Variants in ESR1 observed in about 807,000 individuals in gnomAD.
ESR1 encodes the protein estrogen receptor 1, also known as estrogen receptor.
Under a neutral mutation model 52.7 loss-of-function variants are expected in ESR1, and 12 were observed. The ratio of observed to expected loss-of-function variants is 0.23; its 90% CI spans 0.15 to 0.37. ESR1 has a LOEUF of 0.37. Among genes scored for constraint, ESR1 ranks in the 10% least tolerant of loss-of-function variants. The pLI, the probability that ESR1 is intolerant of heterozygous loss-of-function variation, is 1.00. For missense variants in ESR1, 584 were observed against 779.7 expected (o/e 0.75, Z 2.99); for synonymous variants, 305 against 316.8 (o/e 0.96, Z 0.39).
intron 4 of ESR1, among the ~76,000 whole-genome samples, chr6:151,978,050 A>T (rs1043076730): frequency 1.3e-5 from 2 of 151,760 alleles, no homozygotes; most frequent in East Asian, 1.9e-4. Context: ...AATGAATCAG[A>T]CTCAGAGGCT....
intron 2 of ESR1, among the ~76,000 whole-genome samples, chr6:151,781,948 A>G: frequency 6.6e-6 from 1 of 152,236 alleles, no homozygotes; most frequent in Non-Finnish European, 1.5e-5. Context: ...AGCAGAGGTA[A>G]GTAGTACTGA....
chr6:152,070,133 A>G (rs2048256342), intron 6 of ESR1, among the ~76,000 whole-genome samples: 3 of 137,098 alleles, frequency 2.2e-5, no homozygotes, highest in Admixed American at 1.4e-4. Flanking sequence ...TGTGATGTAT[A>G]AGATAGTGCA....
chr6:152,082,312 G>A (rs138700782), intron 6 of ESR1, among the ~76,000 whole-genome samples: 116 of 152,170 alleles, frequency 7.6e-4, no homozygotes, highest in Non-Finnish European at 1.2e-3. Flanking sequence ...TTCAACATAC[G>A]CAAATAAATA....
At chr6:151,861,652 G>C (rs1788909311) in intron 2 of ESR1, among the ~76,000 whole-genome samples, 1 of 152,148 alleles carries the variant, frequency 6.6e-6, no homozygotes, top group South Asian at 2.1e-4. Context: ...TCAGGAAGAG[G>C]CATGTTATGA....
chr6:151,784,805 T>A (rs900811149), intron 2 of ESR1, among the ~76,000 whole-genome samples: 1 of 152,168 alleles, frequency 6.6e-6, no homozygotes, highest in African/African-American at 2.4e-5. Context: ...CCACCCCAAC[T>A]TGTGCCTTTT....
rs369243301 is a variant in ESR1, at chr6:152,094,357, C to A, written c.1370-28C>A. The stretch of plus-strand genomic sequence containing the variant: ...TAGACCTCATCCTCTTTGAGCTTCT[C>A]TCTCTCACTCTCTCTCTGCGCATTC... On this transcript the variant is annotated intron_variant, in intron 6 of 7. Coordinates refer to ENST00000206249, the MANE Select transcript of ESR1 (RefSeq NM_000125.4). The surrounding 1 kb of genome is among the most constrained non-coding windows in gnomAD (Gnocchi z 4.6). 6.2e-7 allele frequency: 1 copy of A among 1,606,830 alleles called. No homozygotes were observed. Among genetic ancestry groups the A allele is most frequent in the South Asian group, 1.1e-5 (1 of 90,912 alleles).
At chr6:151,773,821 G>C (rs1163835614) in intron 2 of ESR1, among the ~76,000 whole-genome samples, 1 of 152,188 alleles carries the variant, frequency 6.6e-6, no homozygotes, top group African/African-American at 2.4e-5. Flanking sequence ...TGGTGGCAAA[G>C]GATTGGGATG....
At chr6:151,764,318 T>A (rs1358960604) in intron 2 of ESR1, among the ~76,000 whole-genome samples, 2 of 152,144 alleles carry the variant, frequency 1.3e-5, no homozygotes, top group African/African-American at 2.4e-5. Flanking sequence ...GTTAAACATA[T>A]GGAGTATGGA....
chr6:152,007,230 G>A (rs986891527), intron 4 of ESR1, among the ~76,000 whole-genome samples: 4 of 152,052 alleles, frequency 2.6e-5, no homozygotes, highest in African/African-American at 9.7e-5. Flanking sequence ...TAGTAGAGCA[G>A]AGTGGAGAGA....
rs368268791 is a variant in ESR1, at chr6:152,049,503, C to T, written c.1236-11488C>T. On this transcript the variant is annotated intron_variant, in intron 5 of 7. Transcript: ENST00000206249. ...GATTCAAGCTAAAGTCCAGACACAT[C>T]TTTTCCATAGGCCAATTGAACATTT... Among the ~76,000 whole-genome samples the T allele has an allele frequency of 3.9e-5, 6 of 152,192 alleles. No homozygotes were observed. In the East Asian group the frequency reaches 1.2e-3, roughly 29 times the overall value.
chr6:151,865,187 C>T (rs1426859898), intron 2 of ESR1, among the ~76,000 whole-genome samples: 4 of 152,116 alleles, frequency 2.6e-5, no homozygotes, highest in Non-Finnish European at 4.4e-5. Context: ...ACACCCCACA[C>T]ATAGATATTT....
intron 2 of ESR1, among the ~76,000 whole-genome samples, chr6:151,733,897 C>T (rs1258133203): frequency 6.6e-6 from 1 of 152,162 alleles, no homozygotes; most frequent in African/African-American, 2.4e-5. Context: ...CACAGATAAA[C>T]TTCTGCCCTC....
At chr6:151,914,624 A>G (rs959445715) in intron 3 of ESR1, among the ~76,000 whole-genome samples, 1 of 152,208 alleles carries the variant, frequency 6.6e-6, no homozygotes, top group Admixed American at 6.5e-5. Flanking sequence ...AAAAAGGAGT[A>G]TGGACATTGG....
At chr6:152,015,812 C>T (rs2043123702) in intron 5 of ESR1, among the ~76,000 whole-genome samples, 1 of 152,112 alleles carries the variant, frequency 6.6e-6, no homozygotes, top group Non-Finnish European at 1.5e-5. Flanking sequence ...TGCTTATATG[C>T]CAAATTTGAA....
chr6:152,058,249 C>A (rs2047263469), intron 5 of ESR1, among the ~76,000 whole-genome samples: 1 of 152,134 alleles, frequency 6.6e-6, no homozygotes, highest in South Asian at 2.1e-4. Flanking sequence ...GAAAAACCCA[C>A]TTCTAGTATG....
At chr6:151,860,572 T>C (rs1788692025) in intron 2 of ESR1, among the ~76,000 whole-genome samples, 1 of 152,188 alleles carries the variant, frequency 6.6e-6, no homozygotes, top group Non-Finnish European at 1.5e-5. Flanking sequence ...TGTATATACA[T>C]GCACACATAC....
upstream of ESR1, among the ~76,000 whole-genome samples, chr6:151,806,557 T>TATATATACACAC (rs1554259008): frequency 7.5e-6 from 1 of 133,790 alleles, no homozygotes; most frequent in Admixed American, 7.3e-5. Flanking sequence ...TATATATATA[T>TATATATACACAC]ACACATATAT....
chr6:151,711,728 T>G (rs1245541904), intron 2 of ESR1, among the ~76,000 whole-genome samples: 1 of 152,238 alleles, frequency 6.6e-6, no homozygotes, highest in Admixed American at 6.5e-5. Flanking sequence ...TATATTTGTT[T>G]AAGTTCTTGT....
At chr6:151,993,115 C>T (rs2041173843) in intron 4 of ESR1, among the ~76,000 whole-genome samples, 3 of 152,012 alleles carry the variant, frequency 2.0e-5, no homozygotes, top group South Asian at 2.1e-4. Flanking sequence ...TGACAATAAA[C>T]GAGTTGTGGT....
Sources: allele counts gnomAD v4.1 joint callset (sites outside exome capture counted in the v4.1 genomes callset), GRCh38; gene constraint gnomAD v4.1.1; non-coding constraint Gnocchi (gnomAD v3.1); transcripts MANE v1.5; gene names NCBI Gene and HGNC (gene_info 2026-07-23, HGNC 2026-07-21).